Variants in CAAP1 observed in about 807,000 individuals in gnomAD.
CAAP1 encodes conserved anti-apoptotic protein.
A neutral mutation model predicts 34.0 loss-of-function variants in CAAP1; 20 were observed. The observed-to-expected ratio is 0.59, with a 90% CI of 0.41 to 0.86. The LOEUF (loss-of-function observed/expected upper bound fraction) is 0.86, where lower values mean the gene tolerates loss of function less well. Ranked by LOEUF, CAAP1 falls within the 40% of genes least tolerant of loss-of-function variation. CAAP1 has a pLI of 0.00. For synonymous variants in CAAP1, 213 were observed against 166.7 expected (o/e 1.28, Z -2.14); for missense variants, 538 against 450.5 (o/e 1.19, Z -1.76).
At chr9:26,852,709 A>G (rs1278293321) in intron 5 of CAAP1, among the ~76,000 whole-genome samples, 1 of 152,178 alleles carries the variant, frequency 6.6e-6, no homozygotes, top group East Asian at 1.9e-4. Context: ...CCTGCTTTTC[A>G]AAAGGTGACT....
At chr9:26,892,239 G>A in intron 1 of CAAP1, 174 bp downstream of exon 1, 2 of 1,470,782 alleles carry the variant, frequency 1.4e-6, no homozygotes, top group South Asian at 1.3e-5. Context: ...TCAAGACACG[G>A]ATGGGAGTGT....
At chr9:26,852,492 A>T (rs1822776092) in intron 5 of CAAP1, among the ~76,000 whole-genome samples, 1 of 151,914 alleles carries the variant, frequency 6.6e-6, no homozygotes, top group South Asian at 2.1e-4. Flanking sequence ...TTGAGAGAAG[A>T]GGGGAGGTGA....
intron 4 of CAAP1, among the ~76,000 whole-genome samples, chr9:26,882,225 C>T (rs11999625): frequency 3.3e-4 from 50 of 152,274 alleles, no homozygotes; most frequent in African/African-American, 1.1e-3. Flanking sequence ...GCATAAGTAA[C>T]GAGCAGCCCA....
chr9:26,888,825 A>T (rs765675209), intron 1 of CAAP1, among the ~76,000 whole-genome samples: 7 of 152,244 alleles, frequency 4.6e-5, no homozygotes, highest in Non-Finnish European at 8.8e-5. Context: ...CATATAGCCA[A>T]AAGGCAGAAA....
At chr9:26,876,166 T>C (rs1020777375) in intron 4 of CAAP1, among the ~76,000 whole-genome samples, 1 of 152,188 alleles carries the variant, frequency 6.6e-6, no homozygotes, top group African/African-American at 2.4e-5. Flanking sequence ...TTCTAAAAGG[T>C]AGCCTATATT....
rs79857386 is a variant in CAAP1 at position 26,864,731 on chromosome 9, A to G, written c.666-3592T>C. Among the ~76,000 whole-genome samples the G allele has an allele frequency of 1.1e-3, 175 of 152,272 alleles. No homozygotes were observed. The East Asian group carries it at 0.022, about 19-fold the overall frequency. On this transcript the variant is annotated intron_variant, in intron 4 of 5. Transcript: ENST00000333916. ...CTCTTCTTTGCTCTATCCCCATATT[A>G]CTGTTTTAATGTCCTTTCCAACTTC...
chr9:26,860,774 G>T (rs755410963), intron 5 of CAAP1, among the ~76,000 whole-genome samples: 25 of 152,062 alleles, frequency 1.6e-4, no homozygotes, highest in Non-Finnish European at 3.2e-4. Context: ...CTGGGCGACA[G>T]GGCAAGACTC....
rs1395163054 is a variant in CAAP1 at position 26,887,402 on chromosome 9, A to G, written c.415T>C (p.Tyr139His). 5 of 1,612,432 alleles carry G rather than the reference A, an allele frequency of 3.1e-6. No homozygotes were observed. The South Asian group carries it at 3.3e-5, about 11-fold the overall frequency. The change falls in exon 2 of 6, where the codon TAT (tyrosine) becomes CAT (histidine). Residue 139 changes from tyrosine to histidine, a missense_variant. Transcript: ENST00000333916. ...LTVSLKPVSF[Y>H]ISDKKEMLQQ... ...AGCATTTCTTTTTTGTCTGATATAT[A>G]GAAACTAACTGGTTTCAATGACACA...
At chr9:26,869,843 TAAAAC>T (rs1241364804) in intron 4 of CAAP1, 1 of 437,376 alleles carries the variant, frequency 2.3e-6, no homozygotes, top group African/African-American at 2.1e-5. Context: ...GAACAATTAA[TAAAAC>T]AAATCAGTTA....
Position 26,887,524 on chromosome 9 carries a change from A to C in CAAP1, c.304-11T>G. The C allele has an allele frequency of 6.6e-7, 1 of 1,510,328 alleles. No homozygotes were observed. Among genetic ancestry groups the C allele is most frequent in the Non-Finnish European group, 9.0e-7 (1 of 1,105,542 alleles). The allele number at this position is 1,510,328 out of a possible 1,614,324, so 93.6% of individuals were successfully genotyped here. A position where few individuals can be genotyped will look rare whatever the true frequency, so the allele number is the denominator to read the frequency against. ...AATATATTTAGTTTCCTAAAGTTAAAAGAATAAAGAACCATTAAACAATAC... is the reference window on the plus strand; with the variant it reads ...AATATATTTAGTTTCCTAAAGTTAACAGAATAAAGAACCATTAAACAATAC... On this transcript the variant is annotated splice_polypyrimidine_tract_variant and intron_variant, in intron 1 of 5. Coordinates refer to ENST00000333916, the MANE Select transcript of CAAP1 (RefSeq NM_024828.4).
At chr9:26,846,544 T>C (rs2131294636) in intron 5 of CAAP1, among the ~76,000 whole-genome samples, 1 of 152,222 alleles carries the variant, frequency 6.6e-6, no homozygotes, top group African/African-American at 2.4e-5. Context: ...TTATATTTTG[T>C]GAAAACCATA....
At chr9:26,860,983 T>A (rs916680153) in intron 5 of CAAP1, 83 bp downstream of exon 5, 2 of 962,802 alleles carry the variant, frequency 2.1e-6, no homozygotes, top group African/African-American at 3.3e-5. Flanking sequence ...ATGGGGTGAG[T>A]TAGACACTGA....
intron 4 of CAAP1, among the ~76,000 whole-genome samples, chr9:26,865,813 C>CGTAGTA: frequency 6.6e-6 from 1 of 152,150 alleles, no homozygotes; most frequent in African/African-American, 2.4e-5. Flanking sequence ...AGGAAGGTTT[C>CGTAGTA]GTAGTAGTAA....
chr9:26,843,935 A>G (rs888989095), intron 5 of CAAP1, among the ~76,000 whole-genome samples: 2 of 152,354 alleles, frequency 1.3e-5, no homozygotes, highest in East Asian at 1.9e-4. Flanking sequence ...TTGATGGCAA[A>G]GAACATTTTA....
intron 1 of CAAP1, 41 bp from the exon 2 acceptor site, chr9:26,887,554 T>A: frequency 8.3e-7 from 1 of 1,199,688 alleles, no homozygotes; most frequent in Non-Finnish European, 1.2e-6. Flanking sequence ...CAATACTACT[T>A]AAAATATAAA....
chr9:26,879,800 G>C (rs917919269), intron 4 of CAAP1, among the ~76,000 whole-genome samples: 1 of 152,178 alleles, frequency 6.6e-6, no homozygotes, highest in African/African-American at 2.4e-5. Flanking sequence ...GTGTTTGCCA[G>C]GGGCTCTCGG....
At chr9:26,875,008 C>T (rs1823391167) in intron 4 of CAAP1, among the ~76,000 whole-genome samples, 1 of 152,092 alleles carries the variant, frequency 6.6e-6, no homozygotes, top group African/African-American at 2.4e-5. Context: ...AACTAACATA[C>T]ACAGGGTATG....
intron 4 of CAAP1, among the ~76,000 whole-genome samples, chr9:26,883,819 T>G (rs1823661175): frequency 6.6e-6 from 1 of 152,176 alleles, no homozygotes; most frequent in Admixed American, 6.5e-5. Context: ...CTTAAACTAG[T>G]GGAACTAAAT....
At chr9:26,854,803 C>T (rs1193210423) in intron 5 of CAAP1, among the ~76,000 whole-genome samples, 1 of 152,180 alleles carries the variant, frequency 6.6e-6, no homozygotes, top group Admixed American at 6.5e-5. Context: ...AGATGTTCAA[C>T]ATCACATATC....
Sources: allele counts gnomAD v4.1 joint callset (sites outside exome capture counted in the v4.1 genomes callset), GRCh38; gene constraint gnomAD v4.1.1; transcripts MANE v1.5; gene names NCBI Gene and HGNC (gene_info 2026-07-23, HGNC 2026-07-21).